The following SAMHD1 variants were observed in gnomAD, a reference collection of about 807,000 sequenced individuals.
SAMHD1 encodes deoxynucleoside triphosphate triphosphohydrolase SAMHD1.
A neutral mutation model predicts 79.6 loss-of-function variants in SAMHD1; 54 were observed. The ratio of observed to expected loss-of-function variants is 0.68; its 90% CI spans 0.55 to 0.85. The LOEUF is 0.85. Among genes scored for constraint, SAMHD1 ranks in the 40% least tolerant of loss-of-function variants. The pLI, the probability that SAMHD1 is intolerant of heterozygous loss-of-function variation, is 0.00. For missense variants in SAMHD1, 663 were observed against 782.7 expected (o/e 0.85, Z 1.82); for synonymous variants, 260 against 264.1 (o/e 0.98, Z 0.15).
At position 36,892,927 on chromosome 20, in the gene SAMHD1, G is replaced by A; in HGVS notation, c.*5C>T. ...GGGAGTTTGTAAACAACTGACTACAGACATTCACATTGGGTCATCTTTAAA... is the reference window on the plus strand; with the variant it reads ...GGGAGTTTGTAAACAACTGACTACAAACATTCACATTGGGTCATCTTTAAA... On this transcript the variant is annotated 3_prime_UTR_variant, in exon 16 of 16. Coordinates refer to ENST00000646673, the MANE Select transcript of SAMHD1 (RefSeq NM_015474.4). 1 of 1,614,020 alleles carries A rather than the reference G, an allele frequency of 6.2e-7. No individual in the cohort carries two copies. Among genetic ancestry groups the A allele is most frequent in the Non-Finnish European group, 8.5e-7 (1 of 1,180,012 alleles).
At chr20:36,900,789 G>T (rs1410858582) in intron 13 of SAMHD1, among the ~76,000 whole-genome samples, 1 of 145,348 alleles carries the variant, frequency 6.9e-6, no homozygotes, top group Non-Finnish European at 1.5e-5. Flanking sequence ...GGCCAGGATG[G>T]TCTCGATCTC....
chr20:36,939,741 C>CA (rs2146143201), intron 3 of SAMHD1, among the ~76,000 whole-genome samples: 1 of 152,012 alleles, frequency 6.6e-6, no homozygotes, highest in South Asian at 2.1e-4. Context: ...GATGATCGGG[C>CA]AAAAAAGTAC....
chr20:36,904,121 G>T (rs377334360), intron 13 of SAMHD1, 36 bp downstream of exon 13: 5 of 1,341,792 alleles, frequency 3.7e-6, no homozygotes, highest in Non-Finnish European at 4.3e-6. Flanking sequence ...TCTTTAAAAC[G>T]TATTCACTCA....
chr20:36,911,168 T>C, intron 11 of SAMHD1, 50 bp downstream of exon 11: 1 of 1,068,792 alleles, frequency 9.4e-7, no homozygotes, highest in African/African-American at 1.5e-5. Context: ...TTCAGGGACT[T>C]CTTACAGTTT....
intron 2 of SAMHD1, 40 bp from the exon 3 acceptor site, chr20:36,941,151 CT>C: frequency 3.0e-6 from 4 of 1,336,192 alleles, no homozygotes; most frequent in Non-Finnish European, 3.2e-6. Flanking sequence ...TCATTATTTG[CT>C]TAATAATAAT....
At chr20:36,948,011 T>C (rs1203484046) in intron 1 of SAMHD1, among the ~76,000 whole-genome samples, 2 of 151,994 alleles carry the variant, frequency 1.3e-5, no homozygotes, top group Non-Finnish European at 2.9e-5. Flanking sequence ...AAGGTATAGA[T>C]CACATGAGTT....
intron 13 of SAMHD1, among the ~76,000 whole-genome samples, chr20:36,902,861 C>G (rs751401991): frequency 2.6e-5 from 4 of 151,818 alleles, no homozygotes; most frequent in Non-Finnish European, 5.9e-5. Flanking sequence ...CCTCAGCTTC[C>G]CAAGTAACTG....
chr20:36,917,532 T>C (rs889865556), intron 7 of SAMHD1, among the ~76,000 whole-genome samples: 2 of 152,066 alleles, frequency 1.3e-5, no homozygotes, highest in African/African-American at 4.8e-5. Context: ...GTGCCTGTAC[T>C]CCCAGCTACT....
At chr20:36,926,017 T>G (rs1482643185) in intron 6 of SAMHD1, among the ~76,000 whole-genome samples, 1 of 152,168 alleles carries the variant, frequency 6.6e-6, no homozygotes, top group African/African-American at 2.4e-5. Context: ...TCTATTTTTA[T>G]TTTTATAAAA....
chr20:36,899,827 G>A (rs1374000266), intron 13 of SAMHD1, among the ~76,000 whole-genome samples: 2 of 152,152 alleles, frequency 1.3e-5, no homozygotes, highest in Admixed American at 1.3e-4. Flanking sequence ...GAGGCGCAAT[G>A]GCTCACGCCT....
chr20:36,934,062 C>T (rs1281415890), intron 4 of SAMHD1, among the ~76,000 whole-genome samples: 4 of 151,334 alleles, frequency 2.6e-5, no homozygotes, highest in African/African-American at 9.7e-5. Context: ...AAAAAAAGTG[C>T]TGGGATTACA....
intron 13 of SAMHD1, 31 bp downstream of exon 13, chr20:36,904,124 TTC>T: frequency 7.3e-7 from 1 of 1,367,844 alleles, no homozygotes; most frequent in East Asian, 2.3e-5. Flanking sequence ...TTAAAACGTA[TTC>T]ACTCAGTTTA....
At chr20:36,911,462 T>G in intron 10 of SAMHD1, 129 bp from the exon 11 acceptor site, 1 of 675,812 alleles carries the variant, frequency 1.5e-6, no homozygotes, top group Non-Finnish European at 2.7e-6. Context: ...AGACAACTGC[T>G]TCTCCACCGT....
chr20:36,939,309 T>G, intron 3 of SAMHD1, among the ~76,000 whole-genome samples: 3 of 132,538 alleles, frequency 2.3e-5, no homozygotes, highest in South Asian at 5.1e-4. Flanking sequence ...AATAACCGGG[T>G]AGGCCAGACG....
chr20:36,923,162 A>G lies in SAMHD1; in HGVS notation c.697-3643T>C, dbSNP rs1225845454. On this transcript the variant is annotated intron_variant, in intron 6 of 15. Coordinates refer to ENST00000646673, the MANE Select transcript of SAMHD1 (RefSeq NM_015474.4). The stretch of plus-strand genomic sequence containing the variant: ...ACTACAGGTGCCTGCCACCACACCC[A>G]GCCAATTTTTTTGTATTTTTAGTAG... 2.0e-5 allele frequency among the ~76,000 whole-genome samples: 3 copies of G among 151,182 alleles called. No individual in the cohort carries two copies. The East Asian group carries it at 5.9e-4, about 30-fold the overall frequency.
At chr20:36,913,618 A>C (rs2063458495) in intron 9 of SAMHD1, among the ~76,000 whole-genome samples, 1 of 151,572 alleles carries the variant, frequency 6.6e-6, no homozygotes, top group African/African-American at 2.4e-5. Context: ...AAAAAAAAAA[A>C]AACCCTAAAA....
At chr20:36,913,952 C>T (rs573282274) in intron 9 of SAMHD1, among the ~76,000 whole-genome samples, 3 of 152,036 alleles carry the variant, frequency 2.0e-5, no homozygotes, top group South Asian at 4.2e-4. Flanking sequence ...CAGGGTTTCA[C>T]TATGTTGGCC....
chr20:36,951,668 C>A lies in SAMHD1; in HGVS notation c.-25G>T. ...TGGCTACACCTGGCGTCCGGCACAG[C>A]AGTCAAGAACCTCGGCGCCGGACCC... On this transcript the variant is annotated 5_prime_UTR_variant, in exon 1 of 16. Transcript: ENST00000646673. The A allele has an allele frequency of 6.2e-7, 1 of 1,612,012 alleles. No homozygotes were observed. Among genetic ancestry groups the A allele is most frequent in the Non-Finnish European group, 8.5e-7 (1 of 1,179,944 alleles).
rs1007216106 is a variant in SAMHD1 at position 36,916,927 on chromosome 20, T to G, written c.953+22A>C. 1.9e-6 allele frequency: 3 copies of G among 1,591,078 alleles called. No individual in the cohort carries two copies. In the African/African-American group the frequency reaches 4.0e-5, roughly 21 times the overall value. On this transcript the variant is annotated intron_variant, in intron 8 of 15. Transcript: ENST00000646673. ...TTTATATAAATATTTTAGCCAACTT[T>G]TCAGAAGTGTTCAGTGCATACCTGG...
Sources: gnomAD v4.1 joint callset for allele counts (sites outside exome capture counted in the v4.1 genomes callset) on GRCh38, gnomAD v4.1.1 for gene constraint, MANE v1.5 for transcripts, NCBI Gene and HGNC (gene_info 2026-07-23, HGNC 2026-07-21) for gene names.